Variants in HMCN2 observed in about 807,000 individuals in gnomAD.
HMCN2 encodes the protein hemicentin-2.
Under a neutral mutation model 377.5 loss-of-function variants are expected in HMCN2, and 325 were observed. The observed-to-expected ratio is 0.86, with a 90% CI of 0.79 to 0.94. The LOEUF is 0.94. HMCN2 is among the 40% of genes least tolerant of loss of function. The pLI, the probability that HMCN2 is intolerant of heterozygous loss-of-function variation, is 0.00. For synonymous variants in HMCN2, 2,007 were observed against 2,046.8 expected (o/e 0.98, Z 0.53); for missense variants, 4,543 against 4,725.3 (o/e 0.96, Z 1.13).
Position 130,418,803 on chromosome 9 carries a change from C to A in HMCN2, c.12993C>A (p.Asp4331Glu). Residue 4331 changes from aspartate to glutamate, a missense_variant, in exon 86 of 98, where the codon GAC becomes GAA. Asp to Glu is a conservative substitution (Grantham distance 45, BLOSUM62 2). This residue lies in a region of HMCN2 where 1,155 missense variants were observed against 1,157.7 expected (regional missense o/e 1.00). Coordinates refer to ENST00000683500, the MANE Select transcript of HMCN2 (RefSeq NM_001291815.2). ...CGGTGTTCCAGGTGGAGCCCCAGGA[C>A]ATGACAGTGAGATCTGGGGATGACG... ...SAPVFQVEPQDMTVRSGDDVA... is the reference protein window; with the variant it reads ...SAPVFQVEPQEMTVRSGDDVA... The A allele has an allele frequency of 6.7e-7, 1 of 1,493,550 alleles. No homozygotes were observed. The highest frequency in any genetic ancestry group is 2.2e-5 in the Admixed American group (1 of 44,496). 92.5% of individuals were successfully genotyped at this position (1,493,550 alleles called of 1,614,324 possible). A position where few individuals can be genotyped will look rare whatever the true frequency, so the allele number is the denominator to read the frequency against.
intron 15 of HMCN2, among the ~76,000 whole-genome samples, chr9:130,314,671 TG>T (rs1837441346): frequency 6.6e-6 from 1 of 152,054 alleles, no homozygotes; most frequent in African/African-American, 2.4e-5. Context: ...TCCCTCCTCC[TG>T]GCAAACTGAG....
At chr9:130,292,562 G>T (rs1488587965) in intron 4 of HMCN2, among the ~76,000 whole-genome samples, 1 of 152,230 alleles carries the variant, frequency 6.6e-6, no homozygotes, top group Non-Finnish European at 1.5e-5. Flanking sequence ...AGTCACTTCA[G>T]TTGTGGCAAG....
chr9:130,343,847 G>T (rs1263366106), intron 25 of HMCN2, among the ~76,000 whole-genome samples: 16 of 152,226 alleles, frequency 1.1e-4, no homozygotes, highest in African/African-American at 3.9e-4. Flanking sequence ...CGCTCTGAGG[G>T]CTACAGGGTT....
chr9:130,355,744 A>G lies in HMCN2; in HGVS notation c.5147-2A>G. 1 of 1,301,490 alleles carries G rather than the reference A, an allele frequency of 7.7e-7. No homozygotes were observed. Among genetic ancestry groups the G allele is most frequent in the South Asian group, 1.2e-5 (1 of 80,954 alleles). The allele number at this position is 1,301,490 out of a possible 1,614,324, so 80.6% of individuals were successfully genotyped here. The stretch of plus-strand genomic sequence containing the variant: ...ACACCCAGGAGTGTGTTCTGCCTGC[A>G]GTGCCCCCACAGCTCCTGGTGGCTG... On this transcript the variant is annotated splice_acceptor_variant, in intron 32 of 97. Coordinates refer to ENST00000683500, the MANE Select transcript of HMCN2 (RefSeq NM_001291815.2). LOFTEE classifies it high-confidence loss of function.
rs1324295611 is a variant in HMCN2, at chr9:130,428,433, G to A, written c.14141G>A (p.Arg4714His). The change falls in exon 93 of 98, where the codon CGC (arginine) becomes CAC (histidine). Residue 4714 changes from arginine to histidine, a missense_variant. By Grantham distance (29) the Arg-to-His change is conservative (BLOSUM62 0). This residue lies in a region of HMCN2 where 1,155 missense variants were observed against 1,157.7 expected (regional missense o/e 1.00). Transcript: ENST00000683500. This position sits in a 1 kb window ranked among gnomAD's most constrained non-coding sequence, Gnocchi z 5.0. ...QRCVNLLGSYRCLPDCGPGFR... is the reference protein window; with the variant it reads ...QRCVNLLGSYHCLPDCGPGFR... ...TGTGTGAACCTGCTCGGGTCCTACC[G>A]CTGCCTCCCCGACTGTGGGCCTGGC... 31 of 1,546,358 alleles carry A rather than the reference G, an allele frequency of 2.0e-5. 1 individual carries two copies. In the East Asian group the frequency reaches 3.7e-4, roughly 18 times the overall value.
intron 73 of HMCN2, 66 bp from the exon 74 acceptor site, chr9:130,397,462 T>A: frequency 7.9e-7 from 1 of 1,261,780 alleles, no homozygotes; most frequent in South Asian, 1.3e-5. Context: ...AGGGTCTTGC[T>A]AGAGACAGCC....
intron 85 of HMCN2, among the ~76,000 whole-genome samples, chr9:130,411,840 C>T (rs62581029): frequency 0.13 from 19,239 of 151,402 alleles, 1,721 homozygotes; most frequent in East Asian, 0.41. Flanking sequence ...TTAATGAGTC[C>T]GGAGTTTCAG....
chr9:130,401,147 C>T (rs1259579532), intron 77 of HMCN2, among the ~76,000 whole-genome samples, 200 bp downstream of exon 77: 1 of 152,202 alleles, frequency 6.6e-6, no homozygotes, highest in South Asian at 2.1e-4. Flanking sequence ...TGAGACCCAT[C>T]AGTGGTTCCC....
chr9:130,387,921 T>G (rs1364539564), intron 61 of HMCN2, among the ~76,000 whole-genome samples: 2 of 152,014 alleles, frequency 1.3e-5, no homozygotes, highest in African/African-American at 4.8e-5. Context: ...CTACAAAAAA[T>G]AAAAAATAAA....
chr9:130,324,316 G>T (rs1254772202), intron 19 of HMCN2, among the ~76,000 whole-genome samples: 1 of 152,086 alleles, frequency 6.6e-6, no homozygotes, highest in Non-Finnish European at 1.5e-5. Context: ...TGTTTTTAAG[G>T]TTCATCCATG....
At chr9:130,272,845 A>T (rs782165446) in intron 1 of HMCN2, among the ~76,000 whole-genome samples, 1 of 152,204 alleles carries the variant, frequency 6.6e-6, no homozygotes, top group African/African-American at 2.4e-5. Flanking sequence ...GGCCTGAACC[A>T]CTGCGCCTGG....
chr9:130,273,487 A>G (rs1033288150), intron 1 of HMCN2, among the ~76,000 whole-genome samples: 11 of 151,994 alleles, frequency 7.2e-5, no homozygotes, highest in Non-Finnish European at 1.6e-4. Context: ...GGCTGCAGTT[A>G]TCTTGTCTTG....
At chr9:130,273,407 A>G (rs1469790624) in intron 1 of HMCN2, among the ~76,000 whole-genome samples, 4 of 152,008 alleles carry the variant, frequency 2.6e-5, no homozygotes, top group African/African-American at 9.7e-5. Context: ...CCAATCAAAT[A>G]TTTCACGTTT....
intron 62 of HMCN2, among the ~76,000 whole-genome samples, chr9:130,389,699 C>T (rs536923664): frequency 5.9e-5 from 9 of 151,970 alleles, no homozygotes; most frequent in Non-Finnish European, 1.0e-4. Flanking sequence ...CTCAGCCTCC[C>T]GAGTAGCTGG....
intron 23 of HMCN2, among the ~76,000 whole-genome samples, chr9:130,339,356 CT>C (rs1838929457): frequency 6.6e-6 from 1 of 152,218 alleles, no homozygotes; most frequent in Admixed American, 6.5e-5. Flanking sequence ...CCACCTGACT[CT>C]TTACGGAAAA....
At chr9:130,341,964 C>G (rs1315254288) in intron 24 of HMCN2, among the ~76,000 whole-genome samples, 2 of 151,174 alleles carry the variant, frequency 1.3e-5, no homozygotes, top group East Asian at 3.9e-4. Context: ...TCGCTTGAGC[C>G]CAGGAGTTCG....
chr9:130,392,801 C>T (rs935750635), intron 66 of HMCN2, among the ~76,000 whole-genome samples: 7 of 152,096 alleles, frequency 4.6e-5, no homozygotes, highest in Admixed American at 3.3e-4. Context: ...TCAAGACCAT[C>T]CTGGCTAACA....
intron 43 of HMCN2, among the ~76,000 whole-genome samples, chr9:130,367,059 G>A (rs1840730437): frequency 6.6e-6 from 1 of 152,112 alleles, no homozygotes; most frequent in African/African-American, 2.4e-5. Context: ...TGCACCCCAG[G>A]CGGAGGTAAG....
chr9:130,352,819 A>G, intron 30 of HMCN2, 108 bp from the exon 31 acceptor site: 1 of 919,872 alleles, frequency 1.1e-6, no homozygotes, highest in Non-Finnish European at 1.4e-6. Context: ...CCCGCAATGG[A>G]AGCCTGTGGT....
Sources: gnomAD v4.1 joint callset for allele counts (sites outside exome capture counted in the v4.1 genomes callset) on GRCh38, gnomAD v4.1.1 for gene constraint, gnomAD v4.1.1 regional missense constraint, Gnocchi (gnomAD v3.1) non-coding constraint, MANE v1.5 for transcripts, NCBI Gene and HGNC (gene_info 2026-07-23, HGNC 2026-07-21) for gene names.